The following SIPA1L3 variants were observed in gnomAD, a reference collection of about 807,000 sequenced individuals.
SIPA1L3 encodes signal-induced proliferation-associated 1-like protein 3.
In SIPA1L3, 59 loss-of-function variants were observed where a neutral mutation model predicts 150.1. The ratio of observed to expected loss-of-function variants is 0.39; its 90% CI spans 0.32 to 0.49. The LOEUF (loss-of-function observed/expected upper bound fraction) is 0.49, where lower values mean the gene tolerates loss of function less well. Ranked by LOEUF, SIPA1L3 falls within the 20% of genes least tolerant of loss-of-function variation. The pLI, the probability that SIPA1L3 is intolerant of heterozygous loss-of-function variation, is 0.86. For missense variants in SIPA1L3, 2,211 were observed against 2,489.5 expected (o/e 0.89, Z 2.38); for synonymous variants, 1,070 against 1,077.6 (o/e 0.99, Z 0.14).
At chr19:38,114,769 C>T (rs1191444951) in intron 8 of SIPA1L3, among the ~76,000 whole-genome samples, 2 of 152,254 alleles carry the variant, frequency 1.3e-5, no homozygotes, top group East Asian at 3.8e-4. Flanking sequence ...CGGCATCCAG[C>T]CACGTGGCAC....
chr19:37,942,751 G>T (rs932525097), intron 1 of SIPA1L3, among the ~76,000 whole-genome samples: 2 of 152,150 alleles, frequency 1.3e-5, no homozygotes, highest in African/African-American at 4.8e-5. Context: ...TGGCCCAACA[G>T]AACTTGTTTA....
chr19:38,162,659 T>G (rs1402425031), intron 14 of SIPA1L3, among the ~76,000 whole-genome samples: 1 of 152,210 alleles, frequency 6.6e-6, no homozygotes, highest in Non-Finnish European at 1.5e-5. Flanking sequence ...TCTCAGTGAC[T>G]TCATACAGTG....
At chr19:38,071,262 TATC>T (rs1359173913) in intron 2 of SIPA1L3, among the ~76,000 whole-genome samples, 30 of 151,436 alleles carry the variant, frequency 2.0e-4, no homozygotes, top group South Asian at 1.7e-3. Context: ...TCTATCTATC[TATC>T]TGCCTGCCTA....
intron 13 of SIPA1L3, 151 bp downstream of exon 13, chr19:38,153,118 C>A: frequency 9.7e-7 from 1 of 1,032,534 alleles, no homozygotes; most frequent in Non-Finnish European, 1.3e-6. Flanking sequence ...CTAGAGAGGG[C>A]ACCTAGGAGA....
At chr19:38,052,679 C>G (rs1969223948) in intron 2 of SIPA1L3, among the ~76,000 whole-genome samples, 1 of 152,260 alleles carries the variant, frequency 6.6e-6, no homozygotes, top group Non-Finnish European at 1.5e-5. Flanking sequence ...CATTTAGTGA[C>G]AGGCACCATC....
intron 4 of SIPA1L3, among the ~76,000 whole-genome samples, chr19:38,093,138 C>G (rs1416867814): frequency 1.3e-5 from 2 of 152,108 alleles, no homozygotes; most frequent in Non-Finnish European, 2.9e-5. Flanking sequence ...GGATTACAGG[C>G]ATGAGCCACC....
chr19:38,157,902 C>T (rs1490322705), intron 13 of SIPA1L3, among the ~76,000 whole-genome samples: 3 of 152,150 alleles, frequency 2.0e-5, no homozygotes, highest in African/African-American at 7.2e-5. Context: ...TGGACAATTA[C>T]AGGGACACGA....
chr19:37,998,888 T>C (rs576154756), intron 1 of SIPA1L3, among the ~76,000 whole-genome samples: 1 of 152,234 alleles, frequency 6.6e-6, no homozygotes, highest in South Asian at 2.1e-4. Flanking sequence ...TTGACAATTT[T>C]TGAATCTAGG....
intron 11 of SIPA1L3, 67 bp from the exon 12 acceptor site, chr19:38,142,482 TGTCCATCCATCTGTCTGTCCGTCC>T: frequency 1.4e-6 from 2 of 1,407,096 alleles, no homozygotes; most frequent in Non-Finnish European, 1.9e-6. Context: ...TCTGTCCGTC[TGTCCATCCATCTGTCTGTCCGTCC>T]ATCCTCCCAG....
At chr19:37,967,355 G>A (rs2046913548) in intron 1 of SIPA1L3, among the ~76,000 whole-genome samples, 1 of 151,648 alleles carries the variant, frequency 6.6e-6, no homozygotes, top group South Asian at 2.1e-4. Flanking sequence ...CTGGGTTCAA[G>A]CAGTTCTTCT....
At chr19:38,182,443 T>C (rs1377272600) in intron 15 of SIPA1L3, 76 bp from the exon 16 acceptor site, 1 of 1,115,982 alleles carries the variant, frequency 9.0e-7, no homozygotes. Context: ...TTCCCAAGAG[T>C]AAACTTCAAT....
chr19:38,181,584 C>A (rs779373927), intron 15 of SIPA1L3, among the ~76,000 whole-genome samples: 7 of 152,184 alleles, frequency 4.6e-5, no homozygotes, highest in Non-Finnish European at 8.8e-5. Flanking sequence ...TGGCTCACAC[C>A]TGTAATCCCA....
chr19:38,102,130 TC>T (rs1251531811), intron 6 of SIPA1L3, among the ~76,000 whole-genome samples: 1 of 148,904 alleles, frequency 6.7e-6, no homozygotes, highest in Non-Finnish European at 1.5e-5. Flanking sequence ...CACTGCAACC[TC>T]CGCCTCCTAG....
At chr19:38,157,961 C>T (rs1971987015) in intron 13 of SIPA1L3, among the ~76,000 whole-genome samples, 1 of 152,170 alleles carries the variant, frequency 6.6e-6, no homozygotes, top group Non-Finnish European at 1.5e-5. Flanking sequence ...GGAAACTAGG[C>T]TGGGCACGGT....
rs573452286 is a variant in SIPA1L3, at chr19:38,126,224, G to A, written c.2869-4274G>A. 1.2e-3 allele frequency among the ~76,000 whole-genome samples: 190 copies of A among 152,120 alleles called. 1 individual carries two copies. Among genetic ancestry groups the A allele is most frequent in the African/African-American group, 4.2e-3 (176 of 41,508 alleles). ...AAAACAAAACAAAAAAAAACACCACGCAATTGAAGTGCCAAGAGCTTAAAA... is the reference window on the plus strand; with the variant it reads ...AAAACAAAACAAAAAAAAACACCACACAATTGAAGTGCCAAGAGCTTAAAA... On this transcript the variant is annotated intron_variant, in intron 9 of 21. Transcript: ENST00000222345.
chr19:37,931,554 G>A (rs1311519583), intron 1 of SIPA1L3, among the ~76,000 whole-genome samples: 4 of 151,752 alleles, frequency 2.6e-5, no homozygotes, highest in South Asian at 2.1e-4. Flanking sequence ...CAAGACCAGC[G>A]TGGCTAACAT....
chr19:38,017,981 A>G (rs892104784), intron 1 of SIPA1L3, among the ~76,000 whole-genome samples: 1 of 151,948 alleles, frequency 6.6e-6, no homozygotes, highest in East Asian at 1.9e-4. Flanking sequence ...AGCACCAGCT[A>G]TGTCTTGAGG....
At chr19:38,204,509 A>G (rs1335145577) in intron 21 of SIPA1L3, among the ~76,000 whole-genome samples, 2 of 152,240 alleles carry the variant, frequency 1.3e-5, no homozygotes, top group South Asian at 4.1e-4. Flanking sequence ...TCATACCTGT[A>G]ATCCCAGCAC....
chr19:38,179,201 G>A (rs1040235151), intron 15 of SIPA1L3, among the ~76,000 whole-genome samples: 4 of 152,218 alleles, frequency 2.6e-5, no homozygotes, highest in African/African-American at 9.7e-5. Context: ...CAGCACTTTG[G>A]GAGGCCCAGG....
Sources: allele counts gnomAD v4.1 joint callset (sites outside exome capture counted in the v4.1 genomes callset), GRCh38; gene constraint gnomAD v4.1.1; transcripts MANE v1.5; gene names NCBI Gene and HGNC (gene_info 2026-07-23, HGNC 2026-07-21).